RELN: variants seen among roughly 807,000 people sequenced by gnomAD.
The protein encoded by RELN is reelin.
In RELN, 108 loss-of-function variants were observed where a neutral mutation model predicts 427.6. The observed-to-expected ratio is 0.25, with a 90% CI of 0.22 to 0.30. RELN has a LOEUF of 0.30. Among genes scored for constraint, RELN ranks in the 10% least tolerant of loss-of-function variants. The pLI is 1.00. For synonymous variants in RELN, 1,524 were observed against 1,513.4 expected (o/e 1.01, Z -0.16); for missense variants, 3,715 against 4,302.8 (o/e 0.86, Z 3.82).
At chr7:103,567,617 T>G (rs2117191558) in intron 31 of RELN, among the ~76,000 whole-genome samples, 1 of 152,122 alleles carries the variant, frequency 6.6e-6, no homozygotes, top group Non-Finnish European at 1.5e-5. Context: ...ACCCGCTTCT[T>G]TGGTAGGGGG....
chr7:103,963,246 A>G (rs1369114684), intron 1 of RELN, among the ~76,000 whole-genome samples: 2 of 151,398 alleles, frequency 1.3e-5, no homozygotes, highest in Non-Finnish European at 2.9e-5. Context: ...ACTTGCAATC[A>G]TAAGACAAAC....
intron 8 of RELN, among the ~76,000 whole-genome samples, chr7:103,703,779 A>G (rs1834142246): frequency 6.6e-6 from 1 of 152,178 alleles, no homozygotes; most frequent in South Asian, 2.1e-4. Flanking sequence ...GCAGTTGTTG[A>G]AGGAGGAAAG....
intron 51 of RELN, among the ~76,000 whole-genome samples, chr7:103,505,437 T>C (rs1414817755): frequency 3.3e-5 from 5 of 151,776 alleles, no homozygotes; most frequent in Non-Finnish European, 7.4e-5. Context: ...GGGTCTGGAG[T>C]GGACCTCCAG....
chr7:103,885,381 T>C (rs1010406912), intron 2 of RELN, among the ~76,000 whole-genome samples: 13 of 150,830 alleles, frequency 8.6e-5, no homozygotes, highest in African/African-American at 2.9e-4. Flanking sequence ...ATGTGGCACA[T>C]ATACACCATG....
At chr7:103,520,954 GTTATTTTTTTTTTTTTTTT>G (rs1829687893) in intron 48 of RELN, among the ~76,000 whole-genome samples, 1 of 78,190 alleles carries the variant, frequency 1.3e-5, no homozygotes, top group African/African-American at 5.0e-5. Flanking sequence ...CAGTAAATTT[GTTATTTTTTTTTTTTTTTT>G]TTTTTTTTTT....
chr7:103,903,275 T>C (rs541408715), intron 2 of RELN, among the ~76,000 whole-genome samples: 1 of 100,284 alleles, frequency 1.0e-5, no homozygotes, highest in African/African-American at 3.8e-5. Flanking sequence ...TTCCTAAGTG[T>C]TTTTTTTTTT....
chr7:103,840,420 T>C (rs940313431), intron 2 of RELN, among the ~76,000 whole-genome samples: 1 of 152,266 alleles, frequency 6.6e-6, no homozygotes, highest in Non-Finnish European at 1.5e-5. Flanking sequence ...CACTACTGTA[T>C]GACCTCTGTC....
At chr7:103,873,857 G>C (rs1453069145) in intron 2 of RELN, among the ~76,000 whole-genome samples, 1 of 115,416 alleles carries the variant, frequency 8.7e-6, no homozygotes, top group Non-Finnish European at 1.9e-5. Context: ...CTCATTTTAT[G>C]AGGCCAGCAT....
chr7:103,565,152 T>C (rs2117185533), intron 34 of RELN, 126 bp downstream of exon 34: 2 of 1,272,162 alleles, frequency 1.6e-6, no homozygotes, highest in Admixed American at 1.8e-5. Context: ...CTTTTTTTTC[T>C]TCCTGGCACT....
Position 103,653,443 on chromosome 7 carries a change from G to T in RELN, c.1554+650C>A, listed in dbSNP as rs926737116. Among the ~76,000 whole-genome samples, 4 of 152,024 alleles carry T rather than the reference G, an allele frequency of 2.6e-5. No homozygotes were observed. In the South Asian group the frequency reaches 6.2e-4, roughly 24 times the overall value. On this transcript the variant is annotated intron_variant, in intron 13 of 64. Transcript: ENST00000428762. The stretch of plus-strand genomic sequence containing the variant: ...AACCCTGAAATGCTAGATGTTAGCT[G>T]CATTTAAGCTTTTAAAAGTACTTAG...
rs561255015 is a variant in RELN, at chr7:103,655,429, C to G, written c.1442-1224G>C. On this transcript the variant is annotated intron_variant, in intron 12 of 64. Transcript: ENST00000428762. ...TGCTGTTGCTAATACTCTCTGGTGA[C>G]AGTAAAACAACATCAACATTCTAGA... Among the ~76,000 whole-genome samples the G allele has an allele frequency of 5.4e-4, 82 of 152,114 alleles. 1 individual carries two copies. The highest frequency in any genetic ancestry group is 2.0e-3 in the African/African-American group (82 of 41,524).
intron 2 of RELN, among the ~76,000 whole-genome samples, chr7:103,861,215 A>C (rs773928986): frequency 4.6e-5 from 7 of 152,206 alleles, no homozygotes; most frequent in Admixed American, 1.3e-4. Context: ...ATTCTCTGTG[A>C]AATCTTATCT....
At chr7:103,621,039 A>G (rs1283098143) in intron 20 of RELN, among the ~76,000 whole-genome samples, 1 of 152,208 alleles carries the variant, frequency 6.6e-6, no homozygotes, top group Non-Finnish European at 1.5e-5. Flanking sequence ...TTTAGAGCAT[A>G]CTCAAACAGA....
chr7:103,858,175 G>A (rs1415438240), intron 2 of RELN, among the ~76,000 whole-genome samples: 2 of 152,100 alleles, frequency 1.3e-5, no homozygotes, highest in South Asian at 2.1e-4. Flanking sequence ...GCTTGGGCTC[G>A]AATCCTGCCT....
chr7:103,736,633 C>T (rs1790499946), intron 6 of RELN, among the ~76,000 whole-genome samples: 1 of 152,104 alleles, frequency 6.6e-6, no homozygotes, highest in Admixed American at 6.5e-5. Flanking sequence ...AAAAATAACA[C>T]CTCTAAAATC....
In RELN at chr7:103,515,593, A is replaced by G. The variant is rs1362713033; in HGVS notation, c.7863-152T>C. On this transcript the variant is annotated intron_variant, in intron 49 of 64. Coordinates refer to ENST00000428762, the MANE Select transcript of RELN (RefSeq NM_005045.4). Reference sequence around the variant, plus strand: ...AAAATAATTTTCAAAAACCACGATTAACTGGCTTAATTTTATGAAGTCTCA... The same window carrying G: ...AAAATAATTTTCAAAAACCACGATTGACTGGCTTAATTTTATGAAGTCTCA... 3.2e-6 allele frequency: 3 copies of G among 927,150 alleles called. No individual in the cohort carries two copies. In the African/African-American group the frequency reaches 5.0e-5, roughly 15 times the overall value. The allele number at this position is 927,150 out of a possible 1,614,324, so 57.4% of individuals were successfully genotyped here. A position where few individuals can be genotyped will look rare whatever the true frequency, so the allele number is the denominator to read the frequency against.
At chr7:103,750,568 C>T (rs1431414264) in intron 5 of RELN, among the ~76,000 whole-genome samples, 3 of 152,172 alleles carry the variant, frequency 2.0e-5, no homozygotes, top group Non-Finnish European at 2.9e-5. Flanking sequence ...GTCTAATTCA[C>T]TTTAAAGCAT....
intron 8 of RELN, among the ~76,000 whole-genome samples, chr7:103,705,045 C>A (rs1217886818): frequency 1.3e-5 from 2 of 152,196 alleles, no homozygotes; most frequent in Admixed American, 6.5e-5. Flanking sequence ...GCTTCACTGG[C>A]CATTGCTTCT....
At position 103,511,014 on chromosome 7, in the gene RELN, A is replaced by C; in HGVS notation, c.8120-9T>G. On this transcript the variant is annotated splice_polypyrimidine_tract_variant and intron_variant, in intron 50 of 64. Coordinates refer to ENST00000428762, the MANE Select transcript of RELN (RefSeq NM_005045.4). ...TAGCCAGTGCTCATTCACTTAAAAC[A>C]AAAAAACAAAATTTTATGACAAATT... 1.2e-6 allele frequency: 2 copies of C among 1,609,420 alleles called. No individual in the cohort carries two copies. The highest frequency in any genetic ancestry group is 4.5e-5 in the East Asian group (2 of 44,808).
Sources: gnomAD v4.1 joint callset for allele counts (sites outside exome capture counted in the v4.1 genomes callset) on GRCh38, gnomAD v4.1.1 for gene constraint, MANE v1.5 for transcripts, NCBI Gene and HGNC (gene_info 2026-07-23, HGNC 2026-07-21) for gene names.